LYRM1: variants seen among roughly 807,000 people sequenced by gnomAD.
LYRM1 encodes LYR motif containing 1, also known as LYR motif-containing protein 1.
A neutral mutation model predicts 14.9 loss-of-function variants in LYRM1; 14 were observed. That is an observed-to-expected ratio of 0.94 (90% CI 0.62 to 1.47). The LOEUF is 1.47. LYRM1 is among the 40% of genes most tolerant of loss of function. The pLI, the probability that LYRM1 is intolerant of heterozygous loss-of-function variation, is 0.00. For synonymous variants in LYRM1, 43 were observed against 56.2 expected, an observed-to-expected ratio of 0.77 and a Z score of 1.05; for missense variants, 153 against 149.9, an observed-to-expected ratio of 1.02 and a Z score of -0.11.
At chr16:20,911,687 T>G (rs1596731984) in intron 1 of LYRM1, among the ~76,000 whole-genome samples, 1 of 152,296 alleles carries the variant, frequency 6.6e-6, no homozygotes, top group East Asian at 1.9e-4. Flanking sequence ...CTTTTTTTTT[T>G]CTAGCTTCCC....
chr16:20,915,790 T>C, intron 2 of LYRM1, 76 bp downstream of exon 2: 1 of 1,486,160 alleles, frequency 6.7e-7, no homozygotes, highest in South Asian at 1.2e-5. Context: ...TTTCGGTCTT[T>C]AATCAAGAGG....
At chr16:20,915,503 T>A in intron 1 of LYRM1, 53 bp from the exon 2 acceptor site, 2 of 1,524,154 alleles carry the variant, frequency 1.3e-6, no homozygotes, top group Non-Finnish European at 1.8e-6. Context: ...GTGCCTCCTG[T>A]CAAGTTGCAT....
At chr16:20,907,745 G>A (rs2082392738) in intron 1 of LYRM1, among the ~76,000 whole-genome samples, 1 of 151,950 alleles carries the variant, frequency 6.6e-6, no homozygotes, top group Non-Finnish European at 1.5e-5. Flanking sequence ...CCCCTTACCT[G>A]GGTCCGTTAT....
intron 1 of LYRM1, among the ~76,000 whole-genome samples, chr16:20,904,233 T>TGTTATCTTG (rs1938705521): frequency 1.3e-5 from 2 of 152,238 alleles, no homozygotes; most frequent in African/African-American, 4.8e-5. Flanking sequence ...ATCTATTGGT[T>TGTTATCTTG]GTTATCTTGG....
intron 1 of LYRM1, among the ~76,000 whole-genome samples, chr16:20,913,836 T>G (rs2152542834): frequency 1.3e-5 from 2 of 150,640 alleles, no homozygotes; most frequent in African/African-American, 2.4e-5. Flanking sequence ...TGAGACAGAG[T>G]CTCGCTCTGT....
At chr16:20,903,728 G>A (rs1013439446) in intron 1 of LYRM1, among the ~76,000 whole-genome samples, 2 of 151,920 alleles carry the variant, frequency 1.3e-5, no homozygotes, top group Non-Finnish European at 2.9e-5. Context: ...TGATGGTGGA[G>A]GAAGCTGTCC....
Position 20,901,898 on chromosome 16 carries a change from G to A in LYRM1, c.-1+1009G>A, listed in dbSNP as rs993606269. ...CCCAGTACTTTGGGAGGCCTAGGCG[G>A]GCGGATCACGAGGTCAGGAGATCGA... On this transcript the variant is annotated intron_variant, in intron 1 of 3. Coordinates refer to ENST00000567954, the MANE Select transcript of LYRM1 (RefSeq NM_001128302.3). The surrounding 1 kb of genome is among the most constrained non-coding windows in gnomAD (Gnocchi z 4.6). 4.6e-5 allele frequency among the ~76,000 whole-genome samples: 7 copies of A among 152,170 alleles called. No individual in the cohort carries two copies. The highest frequency in any genetic ancestry group is 3.3e-4 in the Admixed American group (5 of 15,276).
At chr16:20,905,435 T>G (rs3815020) in intron 1 of LYRM1, among the ~76,000 whole-genome samples, 21,048 of 152,122 alleles carry the variant, frequency 0.14, 1,551 homozygotes, top group East Asian at 0.21. Context: ...CTGCTATTCC[T>G]TACAAATGGG....
intron 2 of LYRM1, among the ~76,000 whole-genome samples, chr16:20,919,275 G>A (rs938321361): frequency 7.1e-6 from 1 of 140,488 alleles, no homozygotes; most frequent in East Asian, 2.1e-4. Context: ...CCTACTCTGG[G>A]GGTTTCAGGA....
intron 1 of LYRM1, among the ~76,000 whole-genome samples, chr16:20,908,646 T>G (rs1322948111): frequency 6.6e-6 from 1 of 152,174 alleles, no homozygotes; most frequent in South Asian, 2.1e-4. Context: ...CTTACTGTAA[T>G]GAACAAGATA....
At chr16:20,910,789 C>CA (rs1206251843) in intron 1 of LYRM1, among the ~76,000 whole-genome samples, 1 of 151,776 alleles carries the variant, frequency 6.6e-6, no homozygotes, top group African/African-American at 2.4e-5. Flanking sequence ...AAAAAAACAA[C>CA]AACAACAAAA....
rs1596726918 is a variant in LYRM1 at position 20,910,887 on chromosome 16, G to C, written c.1-4669G>C. On this transcript the variant is annotated intron_variant, in intron 1 of 3. Transcript: ENST00000567954. ...GGAAGTTCCGTCTGTTAATGACAGG[G>C]AAGTGAAGCAATCATTAAGAGATGT... is the stretch of plus-strand genomic sequence containing the variant. 2.6e-5 allele frequency among the ~76,000 whole-genome samples: 4 copies of C among 152,220 alleles called. No homozygotes were observed. The South Asian group carries it at 8.3e-4, about 32-fold the overall frequency.
chr16:20,906,595 A>G (rs1029207619), intron 1 of LYRM1, among the ~76,000 whole-genome samples: 2 of 152,230 alleles, frequency 1.3e-5, no homozygotes, highest in Non-Finnish European at 2.9e-5. Flanking sequence ...TTGTACTGCA[A>G]CACATTTTCT....
rs2082052351 is a variant in LYRM1 at position 20,901,525 on chromosome 16, G to C, written c.-1+636G>C. Among the ~76,000 whole-genome samples, 1 of 152,208 alleles carries C rather than the reference G, an allele frequency of 6.6e-6. No individual in the cohort carries two copies. The highest frequency in any genetic ancestry group is 1.5e-5 in the Non-Finnish European group (1 of 68,046). On this transcript the variant is annotated intron_variant, in intron 1 of 3. Coordinates refer to ENST00000567954, the MANE Select transcript of LYRM1 (RefSeq NM_001128302.3). This position sits in a 1 kb window ranked among gnomAD's most constrained non-coding sequence, Gnocchi z 4.6. ...TCCGAGACAATGGGTTTTCTGGGTG[G>C]AGAGAAGAGCCAATGAGAAGGACTT...
chr16:20,904,356 T>G (rs1432868965), intron 1 of LYRM1, among the ~76,000 whole-genome samples: 1 of 152,184 alleles, frequency 6.6e-6, no homozygotes, highest in Non-Finnish European at 1.5e-5. Flanking sequence ...TTGTTTGGGA[T>G]AGACATTTTA....
intron 3 of LYRM1, 26 bp downstream of exon 3, chr16:20,920,240 G>A: frequency 6.6e-7 from 1 of 1,506,634 alleles, no homozygotes; most frequent in Non-Finnish European, 9.2e-7. Flanking sequence ...GTTAACAAGT[G>A]CTGGGTACTT....
intron 1 of LYRM1, among the ~76,000 whole-genome samples, chr16:20,903,899 A>C (rs2082185451): frequency 1.3e-5 from 2 of 151,888 alleles, no homozygotes; most frequent in African/African-American, 4.8e-5. Flanking sequence ...CAAGAACTTA[A>C]GTCAGTGTCT....
rs114509115 is a variant in LYRM1, at chr16:20,904,342, G to C, written c.-1+3453G>C. On this transcript the variant is annotated intron_variant, in intron 1 of 3. Transcript: ENST00000567954. ...TAGAATGGGTGTGCTTGCCTCCTGT[G>C]ATCTTGTTTGGGATAGACATTTTAG... Among the ~76,000 whole-genome samples the C allele has an allele frequency of 3.3e-3, 502 of 152,202 alleles. 1 individual carries two copies. Among genetic ancestry groups the C allele is most frequent in the African/African-American group, 0.011 (463 of 41,522 alleles).
At chr16:20,923,015 C>T (rs2083275728) in intron 3 of LYRM1, among the ~76,000 whole-genome samples, 1 of 152,110 alleles carries the variant, frequency 6.6e-6, no homozygotes, top group Non-Finnish European at 1.5e-5. Context: ...GAGCCGCTTC[C>T]CCTTCTTCTG....
Sources: gnomAD v4.1 joint callset for allele counts (sites outside exome capture counted in the v4.1 genomes callset) on GRCh38, gnomAD v4.1.1 for gene constraint, Gnocchi (gnomAD v3.1) non-coding constraint, MANE v1.5 for transcripts, NCBI Gene and HGNC (gene_info 2026-07-23, HGNC 2026-07-21) for gene names.